Variants in ATXN1 observed in about 807,000 individuals in gnomAD.
The protein encoded by ATXN1 is ataxin-1.
Under a neutral mutation model 56.4 loss-of-function variants are expected in ATXN1, and 8 were observed. The observed-to-expected ratio is 0.14, with a 90% CI of 0.08 to 0.26. The LOEUF (loss-of-function observed/expected upper bound fraction) is 0.26, where lower values mean the gene tolerates loss of function less well. ATXN1 is among the 10% of genes least tolerant of loss of function. ATXN1 has a pLI of 1.00. For missense variants in ATXN1, 987 were observed against 1,106.5 expected (o/e 0.89, Z 1.53); for synonymous variants, 514 against 494.6 (o/e 1.04, Z -0.52).
chr6:16,307,539 TGGC>T (rs1760280157), intron 7 of ATXN1, among the ~76,000 whole-genome samples: 1 of 151,700 alleles, frequency 6.6e-6, no homozygotes, highest in Non-Finnish European at 1.5e-5. Context: ...CCATGCGTGG[TGGC>T]GGGCACCTGT....
At chr6:16,590,236 A>G (rs747524732) in intron 3 of ATXN1, among the ~76,000 whole-genome samples, 1 of 152,234 alleles carries the variant, frequency 6.6e-6, no homozygotes, top group South Asian at 2.1e-4. Context: ...TATGTGGTCT[A>G]TTAGATGCTA....
chr6:16,465,844 T>C (rs894259318), intron 6 of ATXN1, among the ~76,000 whole-genome samples: 2 of 152,128 alleles, frequency 1.3e-5, no homozygotes, highest in Admixed American at 6.5e-5. Context: ...CTCTGCTAAG[T>C]CCGGGCCACA....
At chr6:16,489,531 T>C (rs960544505) in intron 5 of ATXN1, among the ~76,000 whole-genome samples, 5 of 152,220 alleles carry the variant, frequency 3.3e-5, no homozygotes, top group African/African-American at 1.2e-4. Context: ...CATTTCCTCA[T>C]CACCAGCAGC....
rs1171574677 is a variant in ATXN1, at chr6:16,299,230, T to TATA, written c.*7096_*7098dup. ...AATTTTGAATCAAACATTGTTTTAT[T>TATA]ATAATAATGAAATAATTTCTACCTA... is the stretch of plus-strand genomic sequence containing the variant. On this transcript the variant is annotated 3_prime_UTR_variant, in exon 8 of 8. Coordinates refer to ENST00000436367, the MANE Select transcript of ATXN1 (RefSeq NM_001128164.2). 3.3e-5 allele frequency: 5 copies of TATA among 152,758 alleles called. No individual in the cohort carries two copies. The highest frequency in any genetic ancestry group is 1.2e-4 in the African/African-American group (5 of 41,578). 9.5% of individuals were successfully genotyped at this position (152,758 alleles called of 1,614,324 possible).
intron 4 of ATXN1, among the ~76,000 whole-genome samples, chr6:16,582,016 C>G (rs558729382): frequency 6.6e-6 from 1 of 152,310 alleles, no homozygotes; most frequent in Non-Finnish European, 1.5e-5. Flanking sequence ...TTTACTGGCC[C>G]TAGCAACTGT....
chr6:16,460,752 T>C (rs1431152116), intron 6 of ATXN1, among the ~76,000 whole-genome samples: 1 of 152,178 alleles, frequency 6.6e-6, no homozygotes, highest in Non-Finnish European at 1.5e-5. Context: ...AGTTCATTTG[T>C]GGAGAATGGG....
At chr6:16,445,228 TA>T (rs1759607851) in intron 6 of ATXN1, among the ~76,000 whole-genome samples, 1 of 152,202 alleles carries the variant, frequency 6.6e-6, no homozygotes, top group Non-Finnish European at 1.5e-5. Context: ...AAATGACTGT[TA>T]ATGCATTTTT....
intron 5 of ATXN1, among the ~76,000 whole-genome samples, chr6:16,500,260 G>A (rs536585010): frequency 1.3e-5 from 2 of 152,228 alleles, no homozygotes; most frequent in Non-Finnish European, 2.9e-5. Context: ...TATGACACAC[G>A]AGGAAACAAA....
At chr6:16,745,954 G>GTGTGTGTA (rs1554130388) in intron 2 of ATXN1, among the ~76,000 whole-genome samples, 4 of 151,834 alleles carry the variant, frequency 2.6e-5, no homozygotes, top group Admixed American at 6.6e-5. Context: ...GTGTGTGTGT[G>GTGTGTGTA]TGTGTGTGTG....
At chr6:16,363,822 G>A (rs1261336570) in intron 6 of ATXN1, among the ~76,000 whole-genome samples, 3 of 152,206 alleles carry the variant, frequency 2.0e-5, no homozygotes, top group Non-Finnish European at 1.5e-5. Flanking sequence ...TAAAGGGTAA[G>A]ATGATTGAAT....
intron 6 of ATXN1, among the ~76,000 whole-genome samples, chr6:16,398,578 T>C (rs906206105): frequency 2.2e-4 from 34 of 152,204 alleles, no homozygotes; most frequent in African/African-American, 7.2e-4. Context: ...TATATACACA[T>C]ACATATGCAC....
intron 2 of ATXN1, among the ~76,000 whole-genome samples, chr6:16,691,353 T>A (rs541906693): frequency 6.6e-6 from 1 of 152,264 alleles, no homozygotes; most frequent in Non-Finnish European, 1.5e-5. Flanking sequence ...AACTTCCACA[T>A]GGAATGAAGA....
chr6:16,705,771 G>T (rs1452418434), intron 2 of ATXN1, among the ~76,000 whole-genome samples: 4 of 152,062 alleles, frequency 2.6e-5, no homozygotes, highest in Admixed American at 2.6e-4. Flanking sequence ...TGTGGTTCTG[G>T]AATTTTCAAC....
chr6:16,365,878 T>C (rs1258041226), intron 6 of ATXN1, among the ~76,000 whole-genome samples: 2 of 152,240 alleles, frequency 1.3e-5, no homozygotes, highest in Non-Finnish European at 2.9e-5. Flanking sequence ...ATATTAATCA[T>C]TTCCACTTAC....
intron 3 of ATXN1, among the ~76,000 whole-genome samples, chr6:16,586,975 G>A (rs1056184890): frequency 2.0e-5 from 3 of 151,646 alleles, no homozygotes; most frequent in Admixed American, 6.6e-5. Context: ...CTGAGATCAT[G>A]CCACTGCACT....
chr6:16,467,638 T>A (rs1760134126), intron 6 of ATXN1, among the ~76,000 whole-genome samples: 1 of 152,250 alleles, frequency 6.6e-6, no homozygotes, highest in Non-Finnish European at 1.5e-5. Context: ...AAAAGCCATT[T>A]GTTTTCCATT....
intron 5 of ATXN1, among the ~76,000 whole-genome samples, chr6:16,500,738 T>TAAAAAAAAAA (rs1167731131): frequency 2.4e-5 from 2 of 84,610 alleles, no homozygotes; most frequent in Non-Finnish European, 5.0e-5. Context: ...TTCATTATGA[T>TAAAAAAAAAA]AAAAAAAAAA....
intron 3 of ATXN1, among the ~76,000 whole-genome samples, chr6:16,640,629 G>A (rs1407243533): frequency 1.3e-5 from 2 of 151,714 alleles, no homozygotes; most frequent in Non-Finnish European, 2.9e-5. Flanking sequence ...CTTGCAGTAA[G>A]CAGAGATCGT....
At chr6:16,558,300 CAA>C (rs34684208) in intron 4 of ATXN1, among the ~76,000 whole-genome samples, 5,522 of 95,216 alleles carry the variant, frequency 0.058, 98 homozygotes, top group South Asian at 0.078. Flanking sequence ...GATCCTGTGT[CAA>C]AAAAAAAAAA....
Sources: allele counts gnomAD v4.1 joint callset (sites outside exome capture counted in the v4.1 genomes callset), GRCh38; gene constraint gnomAD v4.1.1; transcripts MANE v1.5; gene names NCBI Gene and HGNC (gene_info 2026-07-23, HGNC 2026-07-21).